Variants in NRXN3 observed in about 807,000 individuals in gnomAD.
NRXN3 encodes neurexin III.
NRXN3 carries 32 observed loss-of-function variants against 137.6 expected under a neutral mutation model. The ratio of observed to expected loss-of-function variants is 0.23; its 90% CI spans 0.18 to 0.31. NRXN3 has a LOEUF of 0.31. NRXN3 is among the 10% of genes least tolerant of loss of function. The pLI, the probability that NRXN3 is intolerant of heterozygous loss-of-function variation, is 1.00. For synonymous variants in NRXN3, 798 were observed against 784.5 expected (o/e 1.02, Z -0.29); for missense variants, 1,574 against 2,062.5 (o/e 0.76, Z 4.59).
rs111904383 is a variant in NRXN3 at position 79,782,381 on chromosome 14, A to C, written c.4015-22731A>C. On this transcript the variant is annotated intron_variant, in intron 19 of 20. Transcript: ENST00000335750. ...TGGTTCTGTCTTTGTCACAACTAAG[A>C]GTCTGACCTTGGATGAGTCATGGTA... is the stretch of plus-strand genomic sequence containing the variant. Among the ~76,000 whole-genome samples, 1,043 of 152,300 alleles carry C rather than the reference A, an allele frequency of 6.8e-3. 5 individuals are homozygous for C. The highest frequency in any genetic ancestry group is 0.017 in the Middle Eastern group (5 of 294).
At chr14:79,751,925 C>T (rs956837953) in intron 19 of NRXN3, among the ~76,000 whole-genome samples, 1 of 152,104 alleles carries the variant, frequency 6.6e-6, no homozygotes, top group Admixed American at 6.5e-5. Context: ...ATGAAGCCCA[C>T]TCGATCATGG....
At chr14:78,268,042 T>C (rs1209627096) in intron 2 of NRXN3, among the ~76,000 whole-genome samples, 2 of 152,194 alleles carry the variant, frequency 1.3e-5, no homozygotes, top group African/African-American at 4.8e-5. Flanking sequence ...CCAGCTTTTC[T>C]GAGAATCCCA....
chr14:78,982,506 ATT>A (rs60153064), intron 14 of NRXN3, among the ~76,000 whole-genome samples: 1 of 150,458 alleles, frequency 6.6e-6, no homozygotes, highest in African/African-American at 2.4e-5. Context: ...TGGTTAACTG[ATT>A]TTTTTTTTAA....
intron 15 of NRXN3, among the ~76,000 whole-genome samples, chr14:79,170,052 G>C (rs1284796630): frequency 2.0e-5 from 3 of 151,958 alleles, no homozygotes; most frequent in Admixed American, 2.0e-4. Context: ...TCCACACTTA[G>C]CATATTACTT....
chr14:79,223,152 A>G (rs895937009), intron 15 of NRXN3, among the ~76,000 whole-genome samples: 3 of 152,182 alleles, frequency 2.0e-5, no homozygotes, highest in African/African-American at 7.2e-5. Context: ...CAGTGAAATG[A>G]AAGTGATTAG....
rs182477228 is a variant in NRXN3 at position 78,700,772 on chromosome 14, C to G, written c.1222-8445C>G. Among the ~76,000 whole-genome samples, 3 of 151,814 alleles carry G rather than the reference C, an allele frequency of 2.0e-5. No individual in the cohort carries two copies. The South Asian group carries it at 6.2e-4, about 32-fold the overall frequency. ...CTCTAGAAACTTGATTGACTGGAAA[C>G]TTTTTCTTTTTCTTTCTTTCTTTCT... On this transcript the variant is annotated intron_variant, in intron 6 of 20. Coordinates refer to ENST00000335750, the MANE Select transcript of NRXN3 (RefSeq NM_001330195.2).
intron 16 of NRXN3, among the ~76,000 whole-genome samples, chr14:79,634,734 T>G (rs906716968): frequency 6.6e-6 from 1 of 152,170 alleles, no homozygotes; most frequent in African/African-American, 2.4e-5. Flanking sequence ...TTACTGTTTC[T>G]GGGCATATCA....
intron 4 of NRXN3, among the ~76,000 whole-genome samples, chr14:78,527,868 G>C (rs886642695): frequency 6.6e-6 from 1 of 152,086 alleles, no homozygotes. Flanking sequence ...TTCTTAAAAA[G>C]ATTATCATTT....
intron 15 of NRXN3, among the ~76,000 whole-genome samples, chr14:79,308,901 TTTTATTTATTTA>T (rs756627963): frequency 7.5e-6 from 1 of 132,810 alleles, no homozygotes; most frequent in Admixed American, 7.7e-5. Flanking sequence ...TTTTTTTTTA[TTTTATTTATTTA>T]TTTATTTATT....
chr14:78,547,155 C>T (rs140903116), intron 4 of NRXN3, among the ~76,000 whole-genome samples: 32 of 151,996 alleles, frequency 2.1e-4, no homozygotes, highest in African/African-American at 7.0e-4. Flanking sequence ...TGATCATGGT[C>T]GTATAATGTC....
chr14:79,440,837 A>G (rs1397633880), intron 15 of NRXN3, among the ~76,000 whole-genome samples: 18 of 152,206 alleles, frequency 1.2e-4, no homozygotes, highest in Admixed American at 1.2e-3. Flanking sequence ...ATTAGGCACC[A>G]TCTGGTGTGC....
At chr14:79,320,616 T>C (rs1277594285) in intron 15 of NRXN3, among the ~76,000 whole-genome samples, 1 of 152,190 alleles carries the variant, frequency 6.6e-6, no homozygotes, top group Non-Finnish European at 1.5e-5. Context: ...AAGTGCACTG[T>C]ATATTGTTCT....
At chr14:78,440,456 A>AG (rs1567596735) in intron 4 of NRXN3, among the ~76,000 whole-genome samples, 1 of 152,118 alleles carries the variant, frequency 6.6e-6, no homozygotes. Flanking sequence ...AAAAAAAAAA[A>AG]AATGTAATTT....
intron 4 of NRXN3, among the ~76,000 whole-genome samples, chr14:78,419,961 G>GCGCGCACACGCGCACACA (rs1555518606): frequency 2.8e-4 from 14 of 49,242 alleles, no homozygotes; most frequent in African/African-American, 5.8e-4. Flanking sequence ...GCGCGCGCAC[G>GCGCGCACACGCGCACACA]CACACACACA....
chr14:79,269,194 T>G (rs1428182995), intron 15 of NRXN3, among the ~76,000 whole-genome samples: 1 of 152,028 alleles, frequency 6.6e-6, no homozygotes, highest in African/African-American at 2.4e-5. Flanking sequence ...GGACTTCAGG[T>G]GCCCGCCACC....
intron 10 of NRXN3, among the ~76,000 whole-genome samples, chr14:78,867,077 G>T (rs79824853): frequency 1.3e-5 from 2 of 152,080 alleles, no homozygotes; most frequent in East Asian, 3.9e-4. Flanking sequence ...GATTACAGGC[G>T]TGGGCCACCG....
At chr14:79,001,893 GGAAA>G (rs1229362138) in intron 15 of NRXN3, among the ~76,000 whole-genome samples, 1 of 152,124 alleles carries the variant, frequency 6.6e-6, no homozygotes, top group East Asian at 1.9e-4. Flanking sequence ...ATTGGGCCTG[GGAAA>G]GAGTTTTTGT....
At chr14:79,494,311 A>G (rs2096745416) in intron 16 of NRXN3, among the ~76,000 whole-genome samples, 1 of 152,202 alleles carries the variant, frequency 6.6e-6, no homozygotes, top group South Asian at 2.1e-4. Context: ...CTTCTGAGAA[A>G]TGGCTACATT....
intron 4 of NRXN3, among the ~76,000 whole-genome samples, chr14:78,458,435 G>T (rs1480227015): frequency 6.6e-6 from 1 of 152,228 alleles, no homozygotes; most frequent in Admixed American, 6.5e-5. Context: ...ATTAATTGGG[G>T]TTTTTTGGTG....
Sources: allele counts gnomAD v4.1 joint callset (sites outside exome capture counted in the v4.1 genomes callset), GRCh38; gene constraint gnomAD v4.1.1; transcripts MANE v1.5; gene names NCBI Gene and HGNC (gene_info 2026-07-23, HGNC 2026-07-21).